Variants in PTPRT observed in about 807,000 individuals in gnomAD.
PTPRT encodes the protein receptor-type tyrosine-protein phosphatase T.
In PTPRT, 56 loss-of-function variants were observed where a neutral mutation model predicts 176.8. The observed-to-expected ratio is 0.32, with a 90% CI of 0.26 to 0.40. The LOEUF (loss-of-function observed/expected upper bound fraction) is 0.40. Among genes scored for constraint, PTPRT ranks in the 10% least tolerant of loss-of-function variants. The pLI, the probability that PTPRT is intolerant of heterozygous loss-of-function variation, is 1.00. For synonymous variants in PTPRT, 783 were observed against 739.0 expected (o/e 1.06, Z -0.96); for missense variants, 1,540 against 1,908.2 (o/e 0.81, Z 3.60).
chr20:42,095,262 A>G (rs1985082864), intron 27 of PTPRT, among the ~76,000 whole-genome samples: 1 of 152,154 alleles, frequency 6.6e-6, no homozygotes, highest in Admixed American at 6.6e-5. Context: ...AAGGCAAATT[A>G]TGTTGCTCCT....
At position 43,144,121 on chromosome 20, in the gene PTPRT, C is replaced by T. The variant is rs923311677; in HGVS notation, c.88+45525G>A. 6.6e-5 allele frequency among the ~76,000 whole-genome samples: 10 copies of T among 152,182 alleles called. 1 individual carries two copies. The highest frequency in any genetic ancestry group is 5.2e-4 in the Admixed American group (8 of 15,278). On this transcript the variant is annotated intron_variant, in intron 1 of 30. Coordinates refer to ENST00000373187, the MANE Select transcript of PTPRT (RefSeq NM_007050.6). ...ATGCACAGATATCCATCCACTTCCA[C>T]GATTCAGTGATCAACTTTGTGCCAA...
At chr20:42,802,113 C>T (rs1349720479) in intron 2 of PTPRT, among the ~76,000 whole-genome samples, 3 of 152,198 alleles carry the variant, frequency 2.0e-5, no homozygotes, top group South Asian at 2.1e-4. Context: ...TTAAACTGTG[C>T]CGGGTCCCAT....
chr20:43,155,115 C>T (rs543988051), intron 1 of PTPRT, among the ~76,000 whole-genome samples: 36 of 152,198 alleles, frequency 2.4e-4, no homozygotes, highest in African/African-American at 7.0e-4. Context: ...TAAATTAGTA[C>T]AGACATTATG....
chr20:42,524,613 T>C lies in PTPRT; in HGVS notation c.1154-52051A>G, dbSNP rs1193391911. ...AATCTAAGTGTCTTTTGATTCTTTC[T>C]TATTTATCCCGCTTAGGATAAACTG... On this transcript the variant is annotated intron_variant, in intron 7 of 30. Coordinates refer to ENST00000373187, the MANE Select transcript of PTPRT (RefSeq NM_007050.6). 3.3e-5 allele frequency among the ~76,000 whole-genome samples: 5 copies of C among 152,196 alleles called. No individual in the cohort carries two copies. In the East Asian group the frequency reaches 7.7e-4, roughly 23 times the overall value.
chr20:42,345,417 T>C (rs1254612541), intron 11 of PTPRT, among the ~76,000 whole-genome samples: 1 of 147,628 alleles, frequency 6.8e-6, no homozygotes, highest in Admixed American at 6.8e-5. Flanking sequence ...CTAGTTACTA[T>C]AGATATACAT....
chr20:42,456,119 A>T (rs1023277510), intron 8 of PTPRT, among the ~76,000 whole-genome samples: 2 of 152,034 alleles, frequency 1.3e-5, no homozygotes, highest in African/African-American at 4.8e-5. Flanking sequence ...TACATCTTGA[A>T]AACTTATGTT....
chr20:42,499,633 G>A (rs1370527569), intron 7 of PTPRT, among the ~76,000 whole-genome samples: 1 of 152,036 alleles, frequency 6.6e-6, no homozygotes, highest in African/African-American at 2.4e-5. Context: ...TTTTATGGTA[G>A]CAAATGATAA....
intron 9 of PTPRT, among the ~76,000 whole-genome samples, chr20:42,431,082 C>T (rs1025339820): frequency 2.6e-5 from 4 of 152,174 alleles, no homozygotes; most frequent in African/African-American, 4.8e-5. Flanking sequence ...AGGAAGAAAA[C>T]GAACTTTGAC....
intron 7 of PTPRT, among the ~76,000 whole-genome samples, chr20:42,623,578 T>C (rs1334846764): frequency 6.6e-6 from 1 of 152,206 alleles, no homozygotes; most frequent in Admixed American, 6.5e-5. Context: ...GCTTATTCCA[T>C]CTCCATGTGA....
chr20:42,533,556 G>GA (rs1249813341), intron 7 of PTPRT, among the ~76,000 whole-genome samples: 2 of 152,158 alleles, frequency 1.3e-5, no homozygotes, highest in African/African-American at 4.8e-5. Context: ...ACAATTAAGA[G>GA]AAAAAACTCA....
At chr20:43,024,490 T>C (rs984783651) in intron 1 of PTPRT, among the ~76,000 whole-genome samples, 2 of 150,672 alleles carry the variant, frequency 1.3e-5, no homozygotes, top group African/African-American at 4.9e-5. Context: ...CTCTGGAAAC[T>C]GAGGCAGGAG....
At chr20:42,731,307 G>T (rs925740469) in intron 6 of PTPRT, among the ~76,000 whole-genome samples, 1 of 152,172 alleles carries the variant, frequency 6.6e-6, no homozygotes, top group Non-Finnish European at 1.5e-5. Flanking sequence ...ATTAAGTGGA[G>T]GTTACAGAAG....
intron 7 of PTPRT, among the ~76,000 whole-genome samples, chr20:42,557,489 A>C (rs2072880218): frequency 6.6e-6 from 1 of 151,996 alleles, no homozygotes; most frequent in Non-Finnish European, 1.5e-5. Flanking sequence ...TACAAGTAAA[A>C]CTGACTCATA....
chr20:42,121,560 G>T (rs1472111861), intron 19 of PTPRT, among the ~76,000 whole-genome samples: 2 of 152,060 alleles, frequency 1.3e-5, no homozygotes, highest in African/African-American at 4.8e-5. Context: ...TTGAACGCTG[G>T]CTCTGTCCCT....
chr20:42,506,133 C>G (rs1026973141), intron 7 of PTPRT, among the ~76,000 whole-genome samples: 2 of 152,130 alleles, frequency 1.3e-5, no homozygotes, highest in African/African-American at 4.8e-5. Flanking sequence ...ATCTTCTTAA[C>G]ATTTCTTTTT....
At chr20:43,127,293 G>A (rs886447717) in intron 1 of PTPRT, among the ~76,000 whole-genome samples, 1 of 151,808 alleles carries the variant, frequency 6.6e-6, no homozygotes, top group Non-Finnish European at 1.5e-5. Context: ...CGTGGTGGTG[G>A]GCACCTGTAG....
chr20:42,827,132 A>G (rs1297299272), intron 2 of PTPRT, among the ~76,000 whole-genome samples: 1 of 149,774 alleles, frequency 6.7e-6, no homozygotes, highest in Non-Finnish European at 1.5e-5. Flanking sequence ...CACTGAGAGT[A>G]TCAGACAGAT....
chr20:42,736,112 C>T (rs779452971), intron 6 of PTPRT, among the ~76,000 whole-genome samples: 1 of 152,190 alleles, frequency 6.6e-6, no homozygotes, highest in Non-Finnish European at 1.5e-5. Context: ...CCCTTACCTT[C>T]GAACAATTAT....
At chr20:42,716,420 C>T (rs1349342263) in intron 6 of PTPRT, among the ~76,000 whole-genome samples, 4 of 152,108 alleles carry the variant, frequency 2.6e-5, no homozygotes, top group Non-Finnish European at 4.4e-5. Flanking sequence ...CTGTTGTTTC[C>T]TGACTTTTTA....
Sources: gnomAD v4.1 joint callset for allele counts (sites outside exome capture counted in the v4.1 genomes callset) on GRCh38, gnomAD v4.1.1 for gene constraint, MANE v1.5 for transcripts, NCBI Gene and HGNC (gene_info 2026-07-23, HGNC 2026-07-21) for gene names.